BTD: variants seen among roughly 807,000 people sequenced by gnomAD.
BTD encodes biotinidase.
In BTD, 13 loss-of-function variants were observed where a neutral mutation model predicts 17.7. The observed-to-expected ratio is 0.74, with a 90% CI of 0.48 to 1.17. BTD has a LOEUF of 1.17. BTD is among the 50% of genes most tolerant of loss of function. The probability of loss-of-function intolerance (pLI) is 0.00; values close to 1 mark genes in which losing one functional copy is unlikely to be tolerated. For synonymous variants in BTD, 240 were observed against 245.2 expected, an observed-to-expected ratio of 0.98 and a Z score of 0.20; for missense variants, 674 against 650.4, an observed-to-expected ratio of 1.04 and a Z score of -0.39.
At chr3:15,661,289 AAAAAG>A (rs1559289463) in intron 3 of BTD, among the ~76,000 whole-genome samples, 2 of 127,896 alleles carry the variant, frequency 1.6e-5, no homozygotes, top group African/African-American at 3.0e-5. Context: ...AAAAAAAAAA[AAAAAG>A]AAAAAGAAAA....
chr3:15,689,548 A>G (rs183808570), intron 3 of BTD, among the ~76,000 whole-genome samples: 1 of 152,370 alleles, frequency 6.6e-6, no homozygotes, highest in African/African-American at 2.4e-5. Flanking sequence ...TCTTTTGTGC[A>G]GAGGAGCTTC....
chr3:15,679,132 G>T (rs542299570), intron 3 of BTD, among the ~76,000 whole-genome samples: 2 of 150,832 alleles, frequency 1.3e-5, no homozygotes, highest in East Asian at 3.9e-4. Flanking sequence ...GCATCATCAT[G>T]CACTTTTTTT....
chr3:15,722,179 T>C (rs909227608), exon 5 of BTD, among the ~76,000 whole-genome samples: 6 of 152,186 alleles, frequency 3.9e-5, no homozygotes, highest in Non-Finnish European at 7.3e-5. Context: ...ATATTCCTGA[T>C]AAAAGAGTCT....
chr3:15,705,141 T>C (rs2071181501), intron 3 of BTD, among the ~76,000 whole-genome samples: 1 of 152,182 alleles, frequency 6.6e-6, no homozygotes, highest in Admixed American at 6.5e-5. Context: ...CTGTTTAGTG[T>C]ACATACTGAG....
At chr3:15,628,937 TA>T (rs1341624716) in intron 1 of BTD, among the ~76,000 whole-genome samples, 1 of 152,186 alleles carries the variant, frequency 6.6e-6, no homozygotes, top group Non-Finnish European at 1.5e-5. Flanking sequence ...TTTATTTAAG[TA>T]AAAACCAATA....
intron 2 of BTD, among the ~76,000 whole-genome samples, chr3:15,636,740 T>G (rs1389342386): frequency 6.6e-6 from 1 of 150,878 alleles, no homozygotes; most frequent in Non-Finnish European, 1.5e-5. Context: ...CATTTTAAAA[T>G]TTTAGTCTAT....
chr3:15,629,226 T>C (rs2065143784), intron 1 of BTD, among the ~76,000 whole-genome samples: 1 of 152,206 alleles, frequency 6.6e-6, no homozygotes, highest in African/African-American at 2.4e-5. Context: ...ATATAGGATA[T>C]ACATTCCTCT....
chr3:15,690,002 C>A (rs777127923), intron 3 of BTD: 2 of 1,579,990 alleles, frequency 1.3e-6, no homozygotes, highest in Non-Finnish European at 8.6e-7. Context: ...ATAAATCAAG[C>A]ATAATATCTG....
In BTD at chr3:15,648,952, G is replaced by A. The variant is rs937831652; in HGVS notation, c.*3464G>A. Among the ~76,000 whole-genome samples the A allele has an allele frequency of 6.6e-6, 1 of 152,124 alleles. No individual in the cohort carries two copies. Among genetic ancestry groups the A allele is most frequent in the African/African-American group, 2.4e-5 (1 of 41,418 alleles). ...CCAACAAACACCAGAAATTAGAAGA[G>A]GCAAGAAACAACTCCCCACACACAA... On this transcript the variant is annotated 3_prime_UTR_variant, in exon 4 of 4. Coordinates refer to ENST00000643237, the MANE Select transcript of BTD (RefSeq NM_001370658.1).
chr3:15,645,765 G>A lies in BTD; in HGVS notation c.*277G>A, dbSNP rs2065679974. 5 of 420,170 alleles carry A rather than the reference G, an allele frequency of 1.2e-5. No individual in the cohort carries two copies. The highest frequency in any genetic ancestry group is 1.1e-4 in the South Asian group (3 of 27,682). 26.0% of individuals were successfully genotyped at this position (420,170 alleles called of 1,614,324 possible). A position where few individuals can be genotyped will look rare whatever the true frequency, so the allele number is the denominator to read the frequency against. The stretch of plus-strand genomic sequence containing the variant: ...TCCTCTAACAAATCTCTCAGTATGC[G>A]ATTGGTCTCAAGCTAAAACAAAAAT... On this transcript the variant is annotated 3_prime_UTR_variant, in exon 4 of 4. Transcript: ENST00000643237.
chr3:15,608,919 A>C (rs113099602), intron 1 of BTD, among the ~76,000 whole-genome samples: 1 of 152,210 alleles, frequency 6.6e-6, no homozygotes, highest in East Asian at 1.9e-4. Flanking sequence ...TTCTGCCATT[A>C]GCATTCATTA....
At chr3:15,616,291 C>T (rs979303347) in intron 1 of BTD, among the ~76,000 whole-genome samples, 1 of 152,150 alleles carries the variant, frequency 6.6e-6, no homozygotes, top group African/African-American at 2.4e-5. Flanking sequence ...TCCTGTTGCT[C>T]TATATTCTCA....
chr3:15,714,906 G>C (rs765135009), downstream of BTD, among the ~76,000 whole-genome samples: 1 of 152,070 alleles, frequency 6.6e-6, no homozygotes, highest in Non-Finnish European at 1.5e-5. Flanking sequence ...GGGACAGTAA[G>C]GATGTGTCTC....
At chr3:15,678,297 G>C (rs777925632) in intron 3 of BTD, 1 of 1,613,020 alleles carries the variant, frequency 6.2e-7, no homozygotes, top group South Asian at 1.1e-5. Flanking sequence ...CATTATGGCT[G>C]AGCAGCAGCT....
chr3:15,687,985 T>C (rs981062138), intron 3 of BTD, among the ~76,000 whole-genome samples: 1 of 152,220 alleles, frequency 6.6e-6, no homozygotes, highest in East Asian at 1.9e-4. Flanking sequence ...ATGCTCTCTA[T>C]AGACCTCCAA....
exon 5 of BTD, among the ~76,000 whole-genome samples, chr3:15,722,102 G>C (rs1252361301): frequency 6.6e-6 from 1 of 152,186 alleles, no homozygotes. Context: ...GTGTAGTAAA[G>C]AATCTGACCT....
intron 3 of BTD, chr3:15,690,307 G>T: frequency 9.1e-7 from 1 of 1,103,868 alleles, no homozygotes; most frequent in Non-Finnish European, 1.3e-6. Context: ...AAGCAAACTT[G>T]TCTTCATATT....
chr3:15,635,973 T>C lies in BTD; in HGVS notation c.249+285T>C, dbSNP rs2125456334. Among the ~76,000 whole-genome samples, 2 of 152,278 alleles carry C rather than the reference T, an allele frequency of 1.3e-5. 1 individual carries two copies. The highest frequency in any genetic ancestry group is 4.1e-4 in the South Asian group (2 of 4,820). On this transcript the variant is annotated intron_variant, in intron 2 of 3. Transcript: ENST00000643237. This position sits in a 1 kb window ranked among gnomAD's most constrained non-coding sequence, Gnocchi z 4.1. ...GCAGCAGGATCCCCAGGTGATGCTT[T>C]CACATGGCAAGTATGAGAAGCCCAG...
chr3:15,673,603 A>AATGCT (rs1243452804), intron 3 of BTD, among the ~76,000 whole-genome samples: 1 of 152,048 alleles, frequency 6.6e-6, no homozygotes, highest in Non-Finnish European at 1.5e-5. Flanking sequence ...AAGGACTGAG[A>AATGCT]ATGCTATGGT....
Sources: allele counts gnomAD v4.1 joint callset (sites outside exome capture counted in the v4.1 genomes callset), GRCh38; gene constraint gnomAD v4.1.1; non-coding constraint Gnocchi (gnomAD v3.1); transcripts MANE v1.5; gene names NCBI Gene and HGNC (gene_info 2026-07-23, HGNC 2026-07-21).